The following APOOL variants were observed in gnomAD, a reference collection of about 807,000 sequenced individuals.
APOOL encodes the protein MICOS complex subunit MIC27.
APOOL carries 12 observed loss-of-function variants against 23.1 expected under a neutral mutation model. That is an observed-to-expected ratio of 0.52 (90% CI 0.33 to 0.84). The LOEUF (loss-of-function observed/expected upper bound fraction) is 0.84, where lower values mean the gene tolerates loss of function less well. APOOL is among the 40% of genes least tolerant of loss of function. The probability of loss-of-function intolerance (pLI) is 0.02; values close to 1 mark genes in which losing one functional copy is unlikely to be tolerated. For synonymous variants in APOOL, 77 were observed against 69.9 expected (o/e 1.10, Z -0.51); for missense variants, 212 against 199.6 (o/e 1.06, Z -0.37).
rs185655572 is a variant in APOOL at position 85,063,651 on chromosome X, C to T, written c.395-3476C>T. ...TGGTTTTTGTCTTTAGTTCTTTTTACGTGATGAATTACATTTATTGATTTT... is the reference window on the plus strand; with the variant it reads ...TGGTTTTTGTCTTTAGTTCTTTTTATGTGATGAATTACATTTATTGATTTT... On this transcript the variant is annotated intron_variant, in intron 5 of 8. Coordinates refer to ENST00000373173, the MANE Select transcript of APOOL (RefSeq NM_198450.6). 8.9e-4 allele frequency among the ~76,000 whole-genome samples: 99 copies of T among 111,030 alleles called. 1 individual carries two copies. The highest frequency in any genetic ancestry group is 2.9e-3 in the African/African-American group (89 of 30,586).
Position 85,083,067 on chromosome X carries a change from A to G in APOOL, c.719-4523A>G, listed in dbSNP as rs997573050. Among the ~76,000 whole-genome samples, 6 of 111,114 alleles carry G rather than the reference A, an allele frequency of 5.4e-5. No homozygotes were observed. In the East Asian group the frequency reaches 1.4e-3, roughly 26 times the overall value. On this transcript the variant is annotated intron_variant, in intron 8 of 8. Transcript: ENST00000373173. ...TAGAACGCAGCCCAGACCCAGCTCA[A>G]TGCCTGACTAGATTGAGATGATAAG...
chrX:85,031,557 T>C (rs948485682), intron 1 of APOOL, among the ~76,000 whole-genome samples: 1 of 111,781 alleles, frequency 8.9e-6, no homozygotes, highest in Non-Finnish European at 1.9e-5. Context: ...CTAGTGGGAA[T>C]TGAGCCAGTC....
intron 1 of APOOL, among the ~76,000 whole-genome samples, chrX:85,009,173 T>G (rs1315843448): frequency 8.9e-6 from 1 of 111,936 alleles, no homozygotes; most frequent in East Asian, 2.8e-4. Flanking sequence ...AGATCTTCTA[T>G]GTATAATATC....
intron 5 of APOOL, among the ~76,000 whole-genome samples, chrX:85,061,724 G>GA (rs1923231516): frequency 9.0e-6 from 1 of 111,703 alleles, no homozygotes; most frequent in African/African-American, 3.3e-5. Context: ...GATTGGTGGT[G>GA]ATATCCCCTT....
chrX:85,040,366 G>A (rs1264873259), intron 1 of APOOL, among the ~76,000 whole-genome samples: 1 of 111,626 alleles, frequency 9.0e-6, no homozygotes, highest in African/African-American at 3.3e-5. Context: ...TGATGAGTAT[G>A]TGTCTTGGGG....
At chrX:85,049,677 C>T (rs1922695924) in intron 2 of APOOL, among the ~76,000 whole-genome samples, 1 of 110,504 alleles carries the variant, frequency 9.0e-6, no homozygotes, top group Non-Finnish European at 1.9e-5. Flanking sequence ...GTCCCAGCTA[C>T]TCGGGATGCT....
intron 4 of APOOL, among the ~76,000 whole-genome samples, chrX:85,055,141 A>C (rs1286532670): frequency 7.1e-5 from 8 of 112,095 alleles, no homozygotes; most frequent in Admixed American, 6.7e-4. Flanking sequence ...TTAATGTATT[A>C]GGAATAAATT....
chrX:85,006,929 C>G (rs183751954), intron 1 of APOOL, among the ~76,000 whole-genome samples: 2 of 111,479 alleles, frequency 1.8e-5, no homozygotes, highest in South Asian at 3.8e-4. Flanking sequence ...GTGGTAAAAT[C>G]AAGAGAACAA....
At chrX:85,044,773 G>A (rs1347659424) in intron 1 of APOOL, among the ~76,000 whole-genome samples, 2 of 111,121 alleles carry the variant, frequency 1.8e-5, no homozygotes, top group Admixed American at 1.9e-4. Context: ...TCCATAATCT[G>A]GAATATTAGA....
intron 6 of APOOL, among the ~76,000 whole-genome samples, chrX:85,068,572 A>C (rs972513480): frequency 9.3e-6 from 1 of 107,768 alleles, no homozygotes; most frequent in Non-Finnish European, 1.9e-5. Flanking sequence ...CGTCCAGCTA[A>C]TTTTTGTATT....
intron 1 of APOOL, among the ~76,000 whole-genome samples, chrX:85,023,113 T>A (rs1429466815): frequency 1.8e-5 from 2 of 111,869 alleles, no homozygotes; most frequent in Non-Finnish European, 3.8e-5. Flanking sequence ...GTCTCAGATA[T>A]TCCTTCATAA....
chrX:85,023,684 T>C (rs1050680287), intron 1 of APOOL, among the ~76,000 whole-genome samples: 3 of 112,008 alleles, frequency 2.7e-5, no homozygotes, highest in Non-Finnish European at 5.6e-5. Context: ...TAAAAAAGCT[T>C]GGCACTGGCA....
rs1047695527 is a variant in APOOL, at chrX:85,084,522, G to GT, written c.719-3057dup. Among the ~76,000 whole-genome samples, 735 of 104,056 alleles carry GT rather than the reference G, an allele frequency of 7.1e-3. 4 individuals carry two copies. Among genetic ancestry groups the GT allele is most frequent in the African/African-American group, 0.021 (598 of 28,838 alleles). 90.4% of individuals were successfully genotyped at this position (104,056 alleles called of 115,157 possible). A position where few individuals can be genotyped will look rare whatever the true frequency, so the allele number is the denominator to read the frequency against. ...AGATCCATATCACAATTACTTGAGG[G>GT]TTTTTTTTTTTCTCAAAATCCATAG... On this transcript the variant is annotated intron_variant, in intron 8 of 8. Transcript: ENST00000373173.
rs1260870204 is a variant in APOOL, at chrX:85,003,925, A to T, written c.13A>T (p.Arg5Trp). 2 of 1,211,708 alleles carry T rather than the reference A, an allele frequency of 1.7e-6. No homozygotes were observed. The highest frequency in any genetic ancestry group is 1.1e-6 in the Non-Finnish European group (1 of 895,380). ...AAGGGTTGTAGACATGGCGGCCATC[A>T]GGGTAAGCGAAAACCAACTTGCTTA... MAAI[R>W]MGKLTTMPAG... The change falls in exon 1 of 9, where the codon AGG (arginine) becomes TGG (tryptophan). Residue 5 changes from arginine (R) to tryptophan (W), a missense_variant and splice_region_variant. Coordinates refer to ENST00000373173, the MANE Select transcript of APOOL (RefSeq NM_198450.6).
intron 5 of APOOL, among the ~76,000 whole-genome samples, chrX:85,061,005 C>T (rs1396260446): frequency 1.5e-4 from 17 of 111,337 alleles, no homozygotes; most frequent in African/African-American, 5.2e-4. Context: ...CAGTATGATA[C>T]TGGCTGTGGG....
At chrX:85,033,542 T>C (rs1922113284) in intron 1 of APOOL, among the ~76,000 whole-genome samples, 1 of 112,121 alleles carries the variant, frequency 8.9e-6, no homozygotes, top group African/African-American at 3.2e-5. Context: ...GACTTTGTTA[T>C]ATGGAGAATA....
intron 6 of APOOL, 31 bp from the exon 7 acceptor site, chrX:85,073,967 T>C (rs1288368452): frequency 2.0e-6 from 2 of 994,081 alleles, no homozygotes; most frequent in East Asian, 3.4e-5. Context: ...TTTAAAAATA[T>C]GTTATTTGAC....
At chrX:85,069,277 A>G (rs1923577327) in intron 6 of APOOL, among the ~76,000 whole-genome samples, 1 of 111,214 alleles carries the variant, frequency 9.0e-6, no homozygotes, top group African/African-American at 3.3e-5. Context: ...ATGTACAAGA[A>G]AAACCTTCTT....
rs368658321 is a variant in APOOL, at chrX:85,073,682, A to G, written c.487-316A>G. Among the ~76,000 whole-genome samples, 7 of 111,116 alleles carry G rather than the reference A, an allele frequency of 6.3e-5. No homozygotes were observed. The East Asian group carries it at 2.0e-3, about 31-fold the overall frequency. On this transcript the variant is annotated intron_variant, in intron 6 of 8. Transcript: ENST00000373173. ...CACTTATATCAAATCACCGTGTTATATACCTTAAATAGATACAATTTTATA... is the reference window on the plus strand; with the variant it reads ...CACTTATATCAAATCACCGTGTTATGTACCTTAAATAGATACAATTTTATA...
Sources: allele counts gnomAD v4.1 joint callset (sites outside exome capture counted in the v4.1 genomes callset), GRCh38; gene constraint gnomAD v4.1.1; transcripts MANE v1.5; gene names NCBI Gene and HGNC (gene_info 2026-07-23, HGNC 2026-07-21).